Variants in SASS6 observed in about 807,000 individuals in gnomAD.
The protein encoded by SASS6 is spindle assembly abnormal protein 6 homolog.
SASS6 carries 59 observed loss-of-function variants against 94.9 expected under a neutral mutation model. That is an observed-to-expected ratio of 0.62 (90% CI 0.50 to 0.77). SASS6 has a LOEUF of 0.77. SASS6 is among the 30% of genes least tolerant of loss of function. The probability of loss-of-function intolerance (pLI) is 0.00; values close to 1 mark genes in which losing one functional copy is unlikely to be tolerated. For synonymous variants in SASS6, 264 were observed against 270.0 expected (o/e 0.98, Z 0.22); for missense variants, 698 against 734.1 (o/e 0.95, Z 0.57).
At chr1:100,120,316 A>G (rs575366895) in intron 6 of SASS6, 78 bp downstream of exon 6, 1 of 704,680 alleles carries the variant, frequency 1.4e-6, no homozygotes, top group Non-Finnish European at 2.5e-6. Context: ...AATACATAAA[A>G]GCTTGGAACT....
chr1:100,114,814 T>C (rs1452692988), intron 7 of SASS6, among the ~76,000 whole-genome samples: 1 of 152,134 alleles, frequency 6.6e-6, no homozygotes, highest in Admixed American at 6.5e-5. Flanking sequence ...TTAAGTATTA[T>C]TCTATGAATG....
chr1:100,122,549 CTTTT>C (rs71075469), intron 3 of SASS6, 65 bp from the exon 4 acceptor site: 616 of 223,306 alleles, frequency 2.8e-3, no homozygotes, highest in South Asian at 3.7e-3. Context: ...GTTTTGGTGC[CTTTT>C]TTTTTTTTTT....
At chr1:100,108,131 T>C (rs939516584) in intron 8 of SASS6, 127 bp from the exon 9 acceptor site, 8 of 486,172 alleles carry the variant, frequency 1.6e-5, no homozygotes, top group African/African-American at 1.6e-4. Context: ...TTAGTACAGA[T>C]TTTTTTTTAA....
chr1:100,107,786 T>A (rs761222493), intron 9 of SASS6, 24 bp downstream of exon 9: 1 of 1,572,634 alleles, frequency 6.4e-7, no homozygotes, highest in South Asian at 1.1e-5. Flanking sequence ...ATTATCAATT[T>A]CTGAGAAAAA....
intron 1 of SASS6, among the ~76,000 whole-genome samples, chr1:100,128,336 C>A (rs979676325): frequency 2.6e-5 from 4 of 152,190 alleles, no homozygotes; most frequent in African/African-American, 7.2e-5. Context: ...TGCACCTAGA[C>A]GGTGTTTTAC....
intron 7 of SASS6, among the ~76,000 whole-genome samples, chr1:100,110,846 A>T (rs530069147): frequency 4.5e-4 from 68 of 150,208 alleles, no homozygotes; most frequent in African/African-American, 1.3e-3. Flanking sequence ...CTTGTGTATT[A>T]AAAAAAAAGC....
At chr1:100,120,747 T>C (rs1403271100) in intron 5 of SASS6, among the ~76,000 whole-genome samples, 1 of 152,198 alleles carries the variant, frequency 6.6e-6, no homozygotes, top group Non-Finnish European at 1.5e-5. Flanking sequence ...CCATATATCT[T>C]ATCTCATTAA....
In SASS6 at chr1:100,106,984, A is replaced by G; in HGVS notation, c.1336T>C (p.Leu446=). Residue 446 remains leucine, a synonymous_variant, in exon 12 of 17, where the codon TTA becomes CTA. Coordinates refer to ENST00000287482, the MANE Select transcript of SASS6 (RefSeq NM_194292.3). ...LRIKEQEVCK[L]QEQLEATVKK... ...ACTGTAGCTTCTAATTGTTCTTGTA[A>G]TTTGCATACCTGAAATATATCAATC... The G allele has an allele frequency of 7.3e-7, 1 of 1,375,974 alleles. No individual in the cohort carries two copies. Among genetic ancestry groups the G allele is most frequent in the African/African-American group, 1.4e-5 (1 of 69,952 alleles). 85.2% of individuals were successfully genotyped at this position (1,375,974 alleles called of 1,614,324 possible). A position where few individuals can be genotyped will look rare whatever the true frequency, so the allele number is the denominator to read the frequency against.
intron 14 of SASS6, among the ~76,000 whole-genome samples, chr1:100,102,002 T>C (rs1179706563): frequency 6.6e-6 from 1 of 152,220 alleles, no homozygotes; most frequent in Non-Finnish European, 1.5e-5. Context: ...TGTCTCATTA[T>C]TTAAGAAAAA....
chr1:100,097,980 G>C (rs1343741020), intron 14 of SASS6, among the ~76,000 whole-genome samples: 1 of 152,122 alleles, frequency 6.6e-6, no homozygotes, highest in Non-Finnish European at 1.5e-5. Flanking sequence ...CAGGCACTAG[G>C]GTACTTTTAG....
intron 14 of SASS6, among the ~76,000 whole-genome samples, chr1:100,092,859 G>A (rs1651829687): frequency 6.6e-6 from 1 of 151,772 alleles, no homozygotes; most frequent in African/African-American, 2.4e-5. Context: ...ACAGGCGTAA[G>A]GGACCACACC....
intron 8 of SASS6, among the ~76,000 whole-genome samples, chr1:100,109,276 G>A (rs1443960236): frequency 6.6e-6 from 1 of 152,078 alleles, no homozygotes; most frequent in African/African-American, 2.4e-5. Context: ...TCAGGCTTTA[G>A]AGCTTCTAAG....
Position 100,105,257 on chromosome 1 carries a change from G to A in SASS6, c.1545+510C>T, listed in dbSNP as rs554887013. Among the ~76,000 whole-genome samples the A allele has an allele frequency of 4.6e-5, 7 of 152,078 alleles. No individual in the cohort carries two copies. In the South Asian group the frequency reaches 6.2e-4, roughly 14 times the overall value. Reference sequence around the variant, plus strand: ...AAGAAGTGTGCTCTTGGCTGGGTGCGGTGGCTCACGCCTGTAATCCCAACA... The same window carrying A: ...AAGAAGTGTGCTCTTGGCTGGGTGCAGTGGCTCACGCCTGTAATCCCAACA... On this transcript the variant is annotated intron_variant, in intron 13 of 16. Transcript: ENST00000287482.
Position 100,107,504 on chromosome 1 carries a change from C to T in SASS6, c.1196G>A (p.Gly399Asp). ...KLQGDLKTLM[G>D]KLKLKNTVTI... ...AACTGTATTCTTCAATTTCAACTTA[C>T]CCATTAAAGTTTTCAGATCCCCTTG... is the stretch of plus-strand genomic sequence containing the variant. Residue 399 changes from glycine to aspartate, a missense_variant, in exon 11 of 17, where the codon GGT becomes GAT. Coordinates refer to ENST00000287482, the MANE Select transcript of SASS6 (RefSeq NM_194292.3). 3 of 1,607,346 alleles carry T rather than the reference C, an allele frequency of 1.9e-6. No individual in the cohort carries two copies. In the African/African-American group the frequency reaches 4.0e-5, roughly 21 times the overall value.
In SASS6 at chr1:100,107,557, TAA is replaced by T. The variant is rs1653000580; in HGVS notation, c.1147-6_1147-5del. 20 of 1,588,226 alleles carry T rather than the reference TAA, an allele frequency of 1.3e-5. No homozygotes were observed. The highest frequency in any genetic ancestry group is 1.7e-5 in the Non-Finnish European group (20 of 1,163,964). On this transcript the variant is annotated splice_region_variant and splice_polypyrimidine_tract_variant and intron_variant, in intron 10 of 16. Coordinates refer to ENST00000287482, the MANE Select transcript of SASS6 (RefSeq NM_194292.3). ...ACTTCTTGATAATTTCATTTGCCTA[TAA>T]AAGAGCTTCATATGTATATTTCTAT...
rs1335152047 is a variant in SASS6, at chr1:100,107,340, T to A, written c.1326+34A>T. 15 of 1,375,024 alleles carry A rather than the reference T, an allele frequency of 1.1e-5. No homozygotes were observed. The East Asian group carries it at 3.5e-4, about 32-fold the overall frequency. 85.2% of individuals were successfully genotyped at this position (1,375,024 alleles called of 1,614,324 possible). A position where few individuals can be genotyped will look rare whatever the true frequency, so the allele number is the denominator to read the frequency against. ...AAATTTTTAAAACGAGGAAAAAATTTAGTTACAACATAAAAATTTAAAATA... is the reference window on the plus strand; with the variant it reads ...AAATTTTTAAAACGAGGAAAAAATTAAGTTACAACATAAAAATTTAAAATA... On this transcript the variant is annotated intron_variant, in intron 11 of 16. Coordinates refer to ENST00000287482, the MANE Select transcript of SASS6 (RefSeq NM_194292.3).
At chr1:100,106,223 T>A (rs1652891608) in intron 12 of SASS6, among the ~76,000 whole-genome samples, 1 of 152,200 alleles carries the variant, frequency 6.6e-6, no homozygotes, top group Non-Finnish European at 1.5e-5. Flanking sequence ...TACCCAGTAG[T>A]ATAAACTGAG....
intron 8 of SASS6, among the ~76,000 whole-genome samples, chr1:100,109,562 G>T (rs1334515085): frequency 2.6e-5 from 4 of 151,820 alleles, no homozygotes; most frequent in South Asian, 2.1e-4. Flanking sequence ...CAACAAACCT[G>T]CACATTCTGT....
chr1:100,090,995 T>C (rs1651638153), intron 14 of SASS6, among the ~76,000 whole-genome samples: 2 of 152,090 alleles, frequency 1.3e-5, no homozygotes, highest in Admixed American at 1.3e-4. Context: ...CAGCATGACA[T>C]GACAAAGTCT....
Sources: gnomAD v4.1 joint callset for allele counts (sites outside exome capture counted in the v4.1 genomes callset) on GRCh38, gnomAD v4.1.1 for gene constraint, MANE v1.5 for transcripts, NCBI Gene and HGNC (gene_info 2026-07-23, HGNC 2026-07-21) for gene names.